Variants in CIC observed in about 807,000 individuals in gnomAD.
CIC encodes the protein protein capicua homolog.
In CIC, 18 loss-of-function variants were observed where a neutral mutation model predicts 115.7. The observed-to-expected ratio is 0.16, with a 90% CI of 0.11 to 0.23. The LOEUF is 0.23. Among genes scored for constraint, CIC ranks in the 10% least tolerant of loss-of-function variants. CIC has a pLI of 1.00. For synonymous variants in CIC, 1,076 were observed against 923.0 expected, an observed-to-expected ratio of 1.17 and a Z score of -3.01; for missense variants, 2,000 against 2,159.3, an observed-to-expected ratio of 0.93 and a Z score of 1.46.
Position 42,271,945 on chromosome 19 carries a change from C to T in CIC, c.162C>T (p.Ser54=), listed in dbSNP as rs370924769. The change falls in exon 2 of 21, where the codon TCC becomes TCT. Residue 54 remains serine (S), a synonymous_variant. Coordinates refer to ENST00000681038, the MANE Select transcript of CIC (RefSeq NM_001386298.1). ...DDEAQQPQPQ[S]GPEEAEEGEE... is the part of the protein sequence containing the mutation. ...AGGCACAGCAGCCGCAACCACAGTC[C>T]GGGCCCGAAGAGGCTGAGGAAGGGG... The T allele has an allele frequency of 2.5e-5, 10 of 399,270 alleles. No individual in the cohort carries two copies. The highest frequency in any genetic ancestry group is 4.1e-5 in the African/African-American group (2 of 48,586). The allele number at this position is 399,270 out of a possible 1,614,324, so 24.7% of individuals were successfully genotyped here. A position where few individuals can be genotyped will look rare whatever the true frequency, so the allele number is the denominator to read the frequency against.
Position 42,295,108 on chromosome 19 carries a change from G to T in CIC, c.7471G>T (p.Gly2491Trp), listed in dbSNP as rs1305868409. The change falls in exon 21 of 21, where the codon GGG (glycine) becomes TGG (tryptophan). Residue 2491 changes from glycine to tryptophan, a missense_variant. Gly to Trp is a radical substitution (Grantham distance 184). Transcript: ENST00000681038. ...GCCACTGCCTCCACCCCCAGAGTCG[G>T]GGCCTGGACAGCCTGGCTGGGAGGG... ...APPLPPPPES[G>W]PGQPGWEGAP... is the part of the protein sequence containing the mutation. 6.6e-7 allele frequency: 1 copy of T among 1,523,332 alleles called. No homozygotes were observed. The highest frequency in any genetic ancestry group is 2.5e-5 in the East Asian group (1 of 40,792). 94.4% of individuals were successfully genotyped at this position (1,523,332 alleles called of 1,614,324 possible). A position where few individuals can be genotyped will look rare whatever the true frequency, so the allele number is the denominator to read the frequency against.
chr19:42,268,817 C>G (rs2036657475), upstream of CIC, among the ~76,000 whole-genome samples: 1 of 152,242 alleles, frequency 6.6e-6, no homozygotes, highest in South Asian at 2.1e-4. Context: ...ACGTTCGGGC[C>G]ACGCCTTCTA....
At chr19:42,268,866 C>T (rs771503574), upstream of CIC, among the ~76,000 whole-genome samples, 4 of 152,356 alleles carry the variant, frequency 2.6e-5, no homozygotes, top group East Asian at 7.7e-4. Flanking sequence ...AGCCCCTCCT[C>T]CTTTCATTTC....
rs2147228079 is a variant in CIC, at chr19:42,289,039, C to T, written c.3810C>T (p.His1270=). Residue 1270 remains histidine, a synonymous_variant, in exon 8 of 21, where the codon CAC becomes CAT. Coordinates refer to ENST00000681038, the MANE Select transcript of CIC (RefSeq NM_001386298.1). The part of the protein sequence containing the change: ...RPRAFSHSGV[H]SLDGGEVDSQ... ...GAGCTTTCTCCCACAGCGGGGTACA[C>T]AGCCTGGACGGCGGAGAAGTAGACA... is the stretch of plus-strand genomic sequence containing the variant. 1.2e-6 allele frequency: 2 copies of T among 1,613,792 alleles called. No homozygotes were observed. Among genetic ancestry groups the T allele is most frequent in the Non-Finnish European group, 8.5e-7 (1 of 1,180,040 alleles).
In CIC at chr19:42,286,858, C is replaced by A. The variant is rs764723800; in HGVS notation, c.2882C>A (p.Ser961Tyr). 1.5e-5 allele frequency: 25 copies of A among 1,613,592 alleles called. No homozygotes were observed. Among genetic ancestry groups the A allele is most frequent in the Non-Finnish European group, 2.1e-5 (25 of 1,179,972 alleles). The change falls in exon 3 of 21, where the codon TCC becomes TAC. Residue 961 changes from serine to tyrosine, a missense_variant. Transcript: ENST00000681038. ...PFLAPSQPDP[S>Y]VQPSEAQQPA... is the part of the protein sequence containing the mutation. ...CTGGCACCCAGCCAGCCTGACCCCTCCGTGCAGCCGAGCGAGGCCCAGCAA... is the reference window on the plus strand; with the variant it reads ...CTGGCACCCAGCCAGCCTGACCCCTACGTGCAGCCGAGCGAGGCCCAGCAA...
chr19:42,288,869 G>A lies in CIC; in HGVS notation c.3659-19G>A, dbSNP rs368574237. 22 of 1,611,326 alleles carry A rather than the reference G, an allele frequency of 1.4e-5. No individual in the cohort carries two copies. The highest frequency in any genetic ancestry group is 8.0e-5 in the African/African-American group (6 of 74,844). On this transcript the variant is annotated intron_variant, in intron 7 of 20. Coordinates refer to ENST00000681038, the MANE Select transcript of CIC (RefSeq NM_001386298.1). ...TGACAGGCTTACTGACTGTCATAGC[G>A]CCACTCTCTACTTTACAGTGTCCTC...
chr19:42,273,259 A>G lies in CIC; in HGVS notation c.1476A>G (p.Gly492=). Residue 492 remains glycine, a synonymous_variant, in exon 2 of 21, where the codon GGA becomes GGG. Transcript: ENST00000681038. ...KKGDVVCTPS[G]IRKKFNGKQW... is the part of the protein sequence containing the mutation. ...GCGATGTGGTCTGCACACCCAGCGG[A>G]ATACGAAAGAAGTTCAACGGCAAGC... 1 of 398,592 alleles carries G rather than the reference A, an allele frequency of 2.5e-6. No homozygotes were observed. Among genetic ancestry groups the G allele is most frequent in the East Asian group, 3.6e-5 (1 of 28,068 alleles). 24.7% of individuals were successfully genotyped at this position (398,592 alleles called of 1,614,324 possible). A position where few individuals can be genotyped will look rare whatever the true frequency, so the allele number is the denominator to read the frequency against.
In CIC at chr19:42,270,103, G is replaced by A. The variant is rs766248550; in HGVS notation, c.-11+722G>A. ...GCGGCATAGTTGTAGGCCCTGGGTGGGGTATGCAAAGGTTTGTGCTTGGAA... is the reference window on the plus strand; with the variant it reads ...GCGGCATAGTTGTAGGCCCTGGGTGAGGTATGCAAAGGTTTGTGCTTGGAA... On this transcript the variant is annotated intron_variant, in intron 1 of 20. Transcript: ENST00000681038. The surrounding 1 kb of genome is among the most constrained non-coding windows in gnomAD (Gnocchi z 4.1). Among the ~76,000 whole-genome samples the A allele has an allele frequency of 1.1e-3, 160 of 152,270 alleles. No individual in the cohort carries two copies. The highest frequency in any genetic ancestry group is 1.6e-3 in the Non-Finnish European group (110 of 68,004).
Position 42,295,235 on chromosome 19 carries a change from A to C in CIC, c.*44A>C. ...CCAGGACTTATAGTACCCCCTCAGG[A>C]CATGGACAGTATGTGGGGGCAGGAA... On this transcript the variant is annotated 3_prime_UTR_variant, in exon 21 of 21. Coordinates refer to ENST00000681038, the MANE Select transcript of CIC (RefSeq NM_001386298.1). 6.6e-7 allele frequency: 1 copy of C among 1,510,824 alleles called. No homozygotes were observed. Among genetic ancestry groups the C allele is most frequent in the Non-Finnish European group, 8.9e-7 (1 of 1,127,256 alleles). The allele number at this position is 1,510,824 out of a possible 1,614,324, so 93.6% of individuals were successfully genotyped here. A position where few individuals can be genotyped will look rare whatever the true frequency, so the allele number is the denominator to read the frequency against.
chr19:42,273,702 G>A lies in CIC; in HGVS notation c.1919G>A (p.Arg640His). 2.5e-6 allele frequency: 1 copy of A among 398,484 alleles called. No individual in the cohort carries two copies. Among genetic ancestry groups the A allele is most frequent in the Non-Finnish European group, 4.4e-6 (1 of 226,062 alleles). The allele number at this position is 398,484 out of a possible 1,614,324, so 24.7% of individuals were successfully genotyped here. A position where few individuals can be genotyped will look rare whatever the true frequency, so the allele number is the denominator to read the frequency against. ...SPSPSPLFGF[R>H]PANFSPINAS... ...TCACCCTCACCACTCTTCGGCTTCC[G>A]CCCTGCCAACTTTAGCCCCATCAAT... The change falls in exon 2 of 21, where the codon CGC becomes CAC. Residue 640 changes from arginine (R) to histidine (H), a missense_variant. Coordinates refer to ENST00000681038, the MANE Select transcript of CIC (RefSeq NM_001386298.1).
Position 42,290,241 on chromosome 19 carries a change from T to C in CIC, c.4200T>C (p.Gly1400=). The change falls in exon 11 of 21, where the codon GGT becomes GGC. Residue 1400 remains glycine (G), a synonymous_variant. Transcript: ENST00000681038. ...CCCTTCCTTTCATGCAGGGCTTTGG[T>C]CGGAAGGTGTTTTCACCTGTGATCC... ...GEDPEGNKGF[G]RKVFSPVIRS... is the part of the protein sequence containing the mutation. The C allele has an allele frequency of 6.2e-7, 1 of 1,613,954 alleles. No individual in the cohort carries two copies. The highest frequency in any genetic ancestry group is 8.5e-7 in the Non-Finnish European group (1 of 1,179,960).
chr19:42,269,434 G>T (rs1318801814), intron 1 of CIC, 53 bp downstream of exon 1: 1 of 138,928 alleles, frequency 7.2e-6, no homozygotes, highest in African/African-American at 2.8e-5. Flanking sequence ...GGGGGCTGGG[G>T]GCCGAGAGGG....
rs777481526 is a variant in CIC, at chr19:42,274,962, G to A, written c.2794+385G>A. Among the ~76,000 whole-genome samples, 9 of 152,184 alleles carry A rather than the reference G, an allele frequency of 5.9e-5. 1 individual carries two copies. The highest frequency in any genetic ancestry group is 4.1e-4 in the South Asian group (2 of 4,834). On this transcript the variant is annotated intron_variant, in intron 2 of 20. Transcript: ENST00000681038. ...GTAAGCACTGCGTGTAGGTGAGCTTGCCAAATTTTCACATCCACCTCATAG... is the reference window on the plus strand; with the variant it reads ...GTAAGCACTGCGTGTAGGTGAGCTTACCAAATTTTCACATCCACCTCATAG...
rs191717398 is a variant in CIC at position 42,274,384 on chromosome 19, G to A, written c.2601G>A (p.Val867=). 1.0e-5 allele frequency: 4 copies of A among 399,004 alleles called. No homozygotes were observed. The highest frequency in any genetic ancestry group is 8.2e-5 in the African/African-American group (4 of 48,756). 24.7% of individuals were successfully genotyped at this position (399,004 alleles called of 1,614,324 possible). A position where few individuals can be genotyped will look rare whatever the true frequency, so the allele number is the denominator to read the frequency against. ...TGCCCCCACCTCTGCCAGCCCCCGT[G>A]CCCATCACCGTGCCTCCAGCTGCAC... The part of the protein sequence containing the change: ...PGLPPPLPAP[V]PITVPPAAPT... Residue 867 remains valine (V), a synonymous_variant, in exon 2 of 21, where the codon GTG becomes GTA. Coordinates refer to ENST00000681038, the MANE Select transcript of CIC (RefSeq NM_001386298.1).
In CIC at chr19:42,291,546, C is replaced by T. The variant is rs773748435; in HGVS notation, c.5426-12C>T. ...CTTGTAACCTTTTCCTTTCTTGCCT[C>T]TTAACTTCCAGCCCAGTCAGTTTCT... On this transcript the variant is annotated splice_polypyrimidine_tract_variant and intron_variant, in intron 11 of 20. Transcript: ENST00000681038. 2.5e-5 allele frequency: 40 copies of T among 1,613,088 alleles called. 2 individuals are homozygous for T. The South Asian group carries it at 4.0e-4, about 16-fold the overall frequency.
At position 42,293,076 on chromosome 19, in the gene CIC, C is replaced by T. The variant is rs771252290; in HGVS notation, c.6317C>T (p.Ser2106Phe). The part of the protein sequence containing the change: ...IPVGSFEAGA[S>F]GRPGPAPRQP... ...GTGGGGTCCTTTGAGGCAGGTGCCT[C>T]TGGGCGGCCTGGCCCTGCACCCCGG... Residue 2106 changes from serine to phenylalanine, a missense_variant, in exon 16 of 21, where the codon TCT (serine) becomes TTT (phenylalanine). By Grantham distance (155) the Ser-to-Phe change is radical. Transcript: ENST00000681038. 8 of 1,610,906 alleles carry T rather than the reference C, an allele frequency of 5.0e-6. No individual in the cohort carries two copies. The East Asian group carries it at 8.9e-5, about 18-fold the overall frequency.
At position 42,270,736 on chromosome 19, in the gene CIC, C is replaced by T. The variant is rs925737581; in HGVS notation, c.-10-1038C>T. 2.0e-5 allele frequency among the ~76,000 whole-genome samples: 3 copies of T among 151,864 alleles called. No homozygotes were observed. Among genetic ancestry groups the T allele is most frequent in the Non-Finnish European group, 4.4e-5 (3 of 67,932 alleles). On this transcript the variant is annotated intron_variant, in intron 1 of 20. Coordinates refer to ENST00000681038, the MANE Select transcript of CIC (RefSeq NM_001386298.1). This position sits in a 1 kb window ranked among gnomAD's most constrained non-coding sequence, Gnocchi z 4.1. ...AGGGGGGCTGGGCTTGCGGGTATCA[C>T]GCTGGGTGCTGTGGGGGGAGGAGCA... is the stretch of plus-strand genomic sequence containing the variant.
chr19:42,280,716 G>A lies in CIC; in HGVS notation c.2795-6055G>A, dbSNP rs937958444. 1.3e-5 allele frequency among the ~76,000 whole-genome samples: 2 copies of A among 152,108 alleles called. No individual in the cohort carries two copies. The highest frequency in any genetic ancestry group is 4.8e-5 in the African/African-American group (2 of 41,424). ...CAAAGCGGCTTTGTGGAGCCTGCCG[G>A]GGGTTGGCTGGGGGCCAGGCGGCGA... On this transcript the variant is annotated intron_variant, in intron 2 of 20. Transcript: ENST00000681038. The surrounding 1 kb of genome is among the most constrained non-coding windows in gnomAD (Gnocchi z 4.9).
Position 42,290,841 on chromosome 19 carries a change from C to T in CIC, c.4800C>T (p.Phe1600=). Residue 1600 remains phenylalanine, a synonymous_variant, in exon 11 of 21, where the codon TTC becomes TTT. Coordinates refer to ENST00000681038, the MANE Select transcript of CIC (RefSeq NM_001386298.1). ...CTGTGCCCATCGCCTCTAAGCCCTT[C>T]CCCACCTCTGGCCGGGCTGAGGCGT... is the stretch of plus-strand genomic sequence containing the variant. ...STPVPIASKP[F]PTSGRAEASP... The T allele has an allele frequency of 1.2e-6, 2 of 1,610,338 alleles. No individual in the cohort carries two copies. The highest frequency in any genetic ancestry group is 1.3e-5 in the African/African-American group (1 of 74,960).
Sources: gnomAD v4.1 joint callset for allele counts (sites outside exome capture counted in the v4.1 genomes callset) on GRCh38, gnomAD v4.1.1 for gene constraint, Gnocchi (gnomAD v3.1) non-coding constraint, MANE v1.5 for transcripts, NCBI Gene and HGNC (gene_info 2026-07-23, HGNC 2026-07-21) for gene names.